Variants in ZNF600 observed in about 807,000 individuals in gnomAD.
ZNF600 encodes the protein zinc finger protein KR-ZNF1.
A neutral mutation model predicts 7.3 loss-of-function variants in ZNF600; 4 were observed. The observed-to-expected ratio is 0.55, with a 90% CI of 0.27 to 1.25. ZNF600 has a LOEUF of 1.25. ZNF600 is among the 50% of genes most tolerant of loss of function. The pLI, the probability that ZNF600 is intolerant of heterozygous loss-of-function variation, is 0.12. For missense variants in ZNF600, 911 were observed against 922.1 expected, an observed-to-expected ratio of 0.99 and a Z score of 0.16; for synonymous variants, 290 against 308.9, an observed-to-expected ratio of 0.94 and a Z score of 0.64.
At chr19:52,800,556 C>T in the ZNF600 span, 25 of 1,604,462 alleles carry the variant, frequency 1.6e-5, no homozygotes, top group Non-Finnish European at 2.0e-5. Flanking sequence ...GTGAATTATA[C>T]TATGTTTTGC....
At chr19:52,825,894 A>G in the ZNF600 span, among the ~76,000 whole-genome samples, 259 of 152,346 alleles carry the variant, frequency 1.7e-3, 2 homozygotes, top group African/African-American at 6.0e-3. Flanking sequence ...AGGCTGAGGC[A>G]CAAGAATCAC....
the ZNF600 span, among the ~76,000 whole-genome samples, chr19:52,813,719 G>A: frequency 6.9e-6 from 1 of 145,140 alleles, no homozygotes; most frequent in Admixed American, 6.9e-5. Context: ...TTTGTTTACA[G>A]GTTTCTGCAG....
the ZNF600 span, among the ~76,000 whole-genome samples, chr19:52,825,106 T>A: frequency 6.6e-6 from 1 of 151,958 alleles, no homozygotes; most frequent in South Asian, 2.1e-4. Flanking sequence ...GATGGAATCT[T>A]CCCAGATCTA....
chr19:52,816,848 A>ATAG, the ZNF600 span, among the ~76,000 whole-genome samples: 5 of 147,900 alleles, frequency 3.4e-5, no homozygotes, highest in African/African-American at 1.2e-4. Context: ...AATAATAATA[A>ATAG]TAATAATAAT....
the ZNF600 span, chr19:52,810,724 G>A: frequency 4.2e-6 from 3 of 713,296 alleles, no homozygotes; most frequent in African/African-American, 1.9e-5. Flanking sequence ...ATGTGTATTA[G>A]GAGAGAGAGG....
chr19:52,794,791 T>C, the ZNF600 span, among the ~76,000 whole-genome samples: 4 of 151,728 alleles, frequency 2.6e-5, no homozygotes, highest in African/African-American at 7.3e-5. Context: ...GAGATGGAGG[T>C]TGCAGTGAGC....
At chr19:52,782,470 C>G (rs962379277) in intron 1 of ZNF600, among the ~76,000 whole-genome samples, 5 of 151,736 alleles carry the variant, frequency 3.3e-5, no homozygotes, top group African/African-American at 1.2e-4. Flanking sequence ...TTGTGATGAG[C>G]CAACATCACG....
chr19:52,776,192 A>G (rs2062673920), intron 2 of ZNF600, among the ~76,000 whole-genome samples: 1 of 151,060 alleles, frequency 6.6e-6, no homozygotes, highest in African/African-American at 2.4e-5. Flanking sequence ...ATTACCACAA[A>G]TCAAATAGCT....
the ZNF600 span, among the ~76,000 whole-genome samples, chr19:52,819,025 T>C: frequency 0.56 from 75,650 of 135,746 alleles, 24,478 homozygotes; most frequent in Non-Finnish European, 0.68. Flanking sequence ...TGAGCCTAGA[T>C]CTGAAGGAGA....
upstream of ZNF600, among the ~76,000 whole-genome samples, chr19:52,791,497 C>T (rs2062790704): frequency 6.6e-6 from 1 of 152,156 alleles, no homozygotes; most frequent in Non-Finnish European, 1.5e-5. Flanking sequence ...ATCACTTCAC[C>T]TGAGGAAGAG....
chr19:52,770,359 T>C (rs1424396238), intron 3 of ZNF600, among the ~76,000 whole-genome samples: 1 of 152,162 alleles, frequency 6.6e-6, no homozygotes, highest in East Asian at 1.9e-4. Flanking sequence ...AAAGAATCAT[T>C]TGAACCCAGG....
intron 1 of ZNF600, chr19:52,780,905 C>T (rs924830045): frequency 3.9e-5 from 6 of 152,130 alleles, no homozygotes; most frequent in Admixed American, 2.0e-4. Flanking sequence ...ACGTAGTCAC[C>T]CTCATCTGAG....
chr19:52,816,440 G>A, the ZNF600 span, among the ~76,000 whole-genome samples: 1 of 145,834 alleles, frequency 6.9e-6, no homozygotes, highest in African/African-American at 2.7e-5. Flanking sequence ...TGAGGTGGGA[G>A]GATAACGAGG....
In ZNF600 at chr19:52,770,616, A is replaced by T. The variant is rs186960264; in HGVS notation, c.191-2844T>A. On this transcript the variant is annotated intron_variant, in intron 3 of 3. Transcript: ENST00000648973. ...TAGAATGTGTACTGGGAAAATTTAT[A>T]AACAGATCAGAGAAAATATTGTATA... is the stretch of plus-strand genomic sequence containing the variant. 9.9e-3 allele frequency among the ~76,000 whole-genome samples: 1,488 copies of T among 150,532 alleles called. 35 individuals are homozygous for T. The highest frequency in any genetic ancestry group is 0.033 in the African/African-American group (1,318 of 39,866).
chr19:52,800,353 T>C, the ZNF600 span: 1 of 1,614,084 alleles, frequency 6.2e-7, no homozygotes, highest in African/African-American at 1.3e-5. Context: ...TCACAAACCT[T>C]ACATTTGTAT....
chr19:52,789,922 A>G (rs2147599724), upstream of ZNF600, among the ~76,000 whole-genome samples: 1 of 152,064 alleles, frequency 6.6e-6, no homozygotes, highest in Middle Eastern at 3.4e-3. Context: ...TGGGTAGGTA[A>G]AGGAAAACTA....
the ZNF600 span, among the ~76,000 whole-genome samples, chr19:52,826,900 A>C: frequency 7.9e-5 from 12 of 152,034 alleles, no homozygotes; most frequent in African/African-American, 2.7e-4. Context: ...AAAAGAAAAA[A>C]AAGTGCAGAG....
At chr19:52,773,043 A>G (rs781236420) in intron 3 of ZNF600, among the ~76,000 whole-genome samples, 1 of 152,140 alleles carries the variant, frequency 6.6e-6, no homozygotes, top group Non-Finnish European at 1.5e-5. Context: ...GTTGGAGGGG[A>G]GGGGCTCACG....
intron 1 of ZNF600, among the ~76,000 whole-genome samples, chr19:52,786,103 C>G (rs970412741): frequency 1.3e-5 from 2 of 152,060 alleles, no homozygotes; most frequent in Admixed American, 6.6e-5. Flanking sequence ...TAATCACAGG[C>G]GGGTTTGGAG....
Sources: allele counts gnomAD v4.1 joint callset (sites outside exome capture counted in the v4.1 genomes callset), GRCh38; gene constraint gnomAD v4.1.1; transcripts MANE v1.5; gene names NCBI Gene and HGNC (gene_info 2026-07-23, HGNC 2026-07-21).